The following JAKMIP3 variants were observed in gnomAD, a reference collection of about 807,000 sequenced individuals.
JAKMIP3 encodes janus kinase and microtubule-interacting protein 3.
Under a neutral mutation model 118.5 loss-of-function variants are expected in JAKMIP3, and 58 were observed. That is an observed-to-expected ratio of 0.49 (90% confidence interval 0.40 to 0.61). The LOEUF (loss-of-function observed/expected upper bound fraction) is 0.61, where lower values mean the gene tolerates loss of function less well. JAKMIP3 is among the 20% of genes least tolerant of loss of function. The probability of loss-of-function intolerance (pLI) is 0.00; values close to 1 mark genes in which losing one functional copy is unlikely to be tolerated. For missense variants in JAKMIP3, 950 were observed against 1,109.0 expected, an observed-to-expected ratio of 0.86 and a Z score of 2.04; for synonymous variants, 486 against 451.2, an observed-to-expected ratio of 1.08 and a Z score of -0.98.
intron 2 of JAKMIP3, among the ~76,000 whole-genome samples, chr10:132,109,158 A>G (rs1346144876): frequency 2.0e-5 from 3 of 151,428 alleles, no homozygotes; most frequent in South Asian, 4.2e-4. Flanking sequence ...ACACACACAT[A>G]TATTAAAAAA....
chr10:132,152,936 T>C (rs376372502), intron 16 of JAKMIP3, 22 bp from the exon 17 acceptor site: 176 of 1,587,892 alleles, frequency 1.1e-4, no homozygotes, highest in Non-Finnish European at 1.5e-4. Context: ...TGACCGCACC[T>C]GTGTTCTGCT....
At chr10:132,105,056 A>C in intron 2 of JAKMIP3, 113 bp downstream of exon 2, 4 of 1,280,156 alleles carry the variant, frequency 3.1e-6, no homozygotes, top group Non-Finnish European at 4.3e-6. Context: ...ACCCCCACCC[A>C]GTCCTAAAGG....
rs927587162 is a variant in JAKMIP3, at chr10:132,179,476, G to A, written c.*1104-2881G>A. ...GATGAGGATTATCTGGGTTTCTCCC[G>A]CGGAACCCTTACTGTGGCACTGATA... On this transcript the variant is annotated intron_variant, in intron 23 of 23. Coordinates refer to ENST00000684848, the MANE Select transcript of JAKMIP3 (RefSeq NM_001323087.2). The surrounding 1 kb of genome is among the most constrained non-coding windows in gnomAD (Gnocchi z 4.3). Among the ~76,000 whole-genome samples, 15 of 152,180 alleles carry A rather than the reference G, an allele frequency of 9.9e-5. No individual in the cohort carries two copies. Among genetic ancestry groups the A allele is most frequent in the East Asian group, 3.9e-4 (2 of 5,176 alleles).
rs1196738553 is a variant in JAKMIP3 at position 132,133,376 on chromosome 10, C to T, written c.698C>T (p.Ala233Val). 5 of 1,602,876 alleles carry T rather than the reference C, an allele frequency of 3.1e-6. No homozygotes were observed. Among genetic ancestry groups the T allele is most frequent in the African/African-American group, 1.3e-5 (1 of 74,828 alleles). The change falls in exon 4 of 24, where the codon GCC (alanine) becomes GTC (valine). Residue 233 changes from alanine to valine, a missense_variant. Physicochemically the swap from Ala to Val is moderately conservative, Grantham distance 64 (BLOSUM62 0). Coordinates refer to ENST00000684848, the MANE Select transcript of JAKMIP3 (RefSeq NM_001323087.2). ...CTGGAGAGAGAGTTAGGGGTTCAAG[C>T]CGGGCATGCTCAGAGACTGCAGCTC... ...FVLERELGVQ[A>V]GHAQRLQLQK...
rs1405359598 is a variant in JAKMIP3 at position 132,160,078 on chromosome 10, T to A, written c.2221-3131T>A. Among the ~76,000 whole-genome samples, 17 of 1,726 alleles carry A rather than the reference T, an allele frequency of 9.8e-3. 2 individuals are homozygous for A. The highest frequency in any genetic ancestry group is 0.093 in the African/African-American group (13 of 140). The allele number at this position is 1,726 out of a possible 152,430, so 1.1% of individuals were successfully genotyped here. On this transcript the variant is annotated intron_variant, in intron 19 of 23. Transcript: ENST00000684848. ...GCGGTGGCCTCTTCCTGTGTGATGCTGGGGGGGTCTCTTCCTGTGTGATGC... is the reference window on the plus strand; with the variant it reads ...GCGGTGGCCTCTTCCTGTGTGATGCAGGGGGGGTCTCTTCCTGTGTGATGC...
chr10:132,098,980 G>T (rs775374279), intron 1 of JAKMIP3, among the ~76,000 whole-genome samples: 1 of 152,238 alleles, frequency 6.6e-6, no homozygotes, highest in Non-Finnish European at 1.5e-5. Context: ...AGCCCAGAAA[G>T]AATGCAAGTC....
chr10:132,118,348 C>T lies in JAKMIP3; in HGVS notation c.633+774C>T, dbSNP rs1179997870. ...CTGATTCCACCCGATGCCCCTTGTCCTTTGGAGAGGAGACTGTCCTGTGAT... is the reference window on the plus strand; with the variant it reads ...CTGATTCCACCCGATGCCCCTTGTCTTTTGGAGAGGAGACTGTCCTGTGAT... On this transcript the variant is annotated intron_variant, in intron 3 of 23. Coordinates refer to ENST00000684848, the MANE Select transcript of JAKMIP3 (RefSeq NM_001323087.2). This position sits in a 1 kb window ranked among gnomAD's most constrained non-coding sequence, Gnocchi z 4.8. Among the ~76,000 whole-genome samples, 1 of 152,232 alleles carries T rather than the reference C, an allele frequency of 6.6e-6. No homozygotes were observed. The highest frequency in any genetic ancestry group is 1.5e-5 in the Non-Finnish European group (1 of 68,040).
chr10:132,123,179 C>T (rs888795361), intron 3 of JAKMIP3, among the ~76,000 whole-genome samples: 3 of 152,158 alleles, frequency 2.0e-5, no homozygotes, highest in African/African-American at 2.4e-5. Context: ...CCATCCTGTC[C>T]GTGCATCTGG....
intron 23 of JAKMIP3, among the ~76,000 whole-genome samples, chr10:132,180,664 T>TGCGCGTGTGTGCGCGTGTGC (rs1180212704): frequency 6.3e-5 from 2 of 31,662 alleles, no homozygotes; most frequent in African/African-American, 3.7e-4. Context: ...TGTGCGTGTG[T>TGCGCGTGTGTGCGCGTGTGC]GCGTGTGTGT....
chr10:132,108,996 TA>T (rs1284557713), intron 2 of JAKMIP3, among the ~76,000 whole-genome samples: 13 of 129,370 alleles, frequency 1.0e-4, no homozygotes, highest in Admixed American at 2.3e-4. Flanking sequence ...TATATATACA[TA>T]TACACGCAAA....
At chr10:132,070,071 G>A (rs953558068) in intron 1 of JAKMIP3, among the ~76,000 whole-genome samples, 3 of 152,176 alleles carry the variant, frequency 2.0e-5, no homozygotes, top group East Asian at 1.9e-4. Context: ...TGGGGGCTTC[G>A]GGCACCAACT....
intron 1 of JAKMIP3, among the ~76,000 whole-genome samples, chr10:132,093,304 A>G (rs754415775): frequency 2.0e-5 from 3 of 152,144 alleles, no homozygotes; most frequent in Non-Finnish European, 4.4e-5. Context: ...GCTGTCAGGG[A>G]CGTTTAAGTC....
chr10:132,171,899 C>G (rs1350843973), intron 23 of JAKMIP3, among the ~76,000 whole-genome samples: 1 of 152,110 alleles, frequency 6.6e-6, no homozygotes, highest in Non-Finnish European at 1.5e-5. Flanking sequence ...CGTGATCTGC[C>G]TGCCTCGGCC....
rs770232955 is a variant in JAKMIP3, at chr10:132,145,200, C to G, written c.1686+10C>G. On this transcript the variant is annotated intron_variant, in intron 12 of 23. Coordinates refer to ENST00000684848, the MANE Select transcript of JAKMIP3 (RefSeq NM_001323087.2). ...GGCGGAGCAGGGGCAGGTGAGCCTG[C>G]AGCCATCTGCACGGGCGTGGGGGCA... 6.3e-7 allele frequency: 1 copy of G among 1,599,782 alleles called. No homozygotes were observed. Among genetic ancestry groups the G allele is most frequent in the Non-Finnish European group, 8.5e-7 (1 of 1,172,724 alleles).
intron 1 of JAKMIP3, among the ~76,000 whole-genome samples, chr10:132,053,878 C>T: frequency 6.6e-6 from 1 of 150,810 alleles, no homozygotes; most frequent in South Asian, 2.1e-4. Context: ...ACTAAAAATA[C>T]AAAAAAAAAT....
At chr10:132,177,591 G>A (rs536227335) in intron 23 of JAKMIP3, among the ~76,000 whole-genome samples, 4 of 150,778 alleles carry the variant, frequency 2.7e-5, no homozygotes, top group African/African-American at 9.8e-5. Flanking sequence ...TGGGTAGGGT[G>A]CATGTCTGTG....
chr10:132,138,752 G>A (rs1016783146), intron 9 of JAKMIP3, among the ~76,000 whole-genome samples: 3 of 152,074 alleles, frequency 2.0e-5, no homozygotes, highest in Non-Finnish European at 2.9e-5. Flanking sequence ...GAGTCCCCAC[G>A]ACCTGTGGGA....
intron 14 of JAKMIP3, among the ~76,000 whole-genome samples, chr10:132,148,652 T>A (rs2055183197): frequency 6.6e-6 from 1 of 152,210 alleles, no homozygotes; most frequent in Non-Finnish European, 1.5e-5. Context: ...TGGGAGCCCT[T>A]TGCCTGTGCC....
intron 23 of JAKMIP3, chr10:132,181,357 G>A (rs2061449307): frequency 6.6e-6 from 1 of 152,212 alleles, no homozygotes. Context: ...ATTCAGAGAG[G>A]CATTGACAGG....
Sources: gnomAD v4.1 joint callset for allele counts (sites outside exome capture counted in the v4.1 genomes callset) on GRCh38, gnomAD v4.1.1 for gene constraint, Gnocchi (gnomAD v3.1) non-coding constraint, MANE v1.5 for transcripts, NCBI Gene and HGNC (gene_info 2026-07-23, HGNC 2026-07-21) for gene names.